SLC2A13: variants seen among roughly 807,000 people sequenced by gnomAD.
SLC2A13 encodes proton myo-inositol cotransporter.
SLC2A13 carries 32 observed loss-of-function variants against 64.4 expected under a neutral mutation model. The ratio of observed to expected loss-of-function variants is 0.50; its 90% confidence interval spans 0.37 to 0.67. The LOEUF (loss-of-function observed/expected upper bound fraction) is 0.67, where lower values mean the gene tolerates loss of function less well. Among genes scored for constraint, SLC2A13 ranks in the 30% least tolerant of loss-of-function variants. SLC2A13 has a pLI of 0.00. For missense variants in SLC2A13, 743 were observed against 829.2 expected (o/e 0.90, Z 1.28); for synonymous variants, 338 against 327.1 (o/e 1.03, Z -0.36).
At chr12:39,954,812 C>T (rs2136105727) in intron 3 of SLC2A13, among the ~76,000 whole-genome samples, 1 of 152,248 alleles carries the variant, frequency 6.6e-6, no homozygotes, top group Non-Finnish European at 1.5e-5. Context: ...GAGAATATAA[C>T]AATCCTAAAC....
chr12:39,854,249 T>A (rs1235665566), intron 6 of SLC2A13, among the ~76,000 whole-genome samples: 1 of 152,152 alleles, frequency 6.6e-6, no homozygotes, highest in Non-Finnish European at 1.5e-5. Flanking sequence ...TGGATAATAA[T>A]AATAATAATA....
At position 40,105,408 on chromosome 12, in the gene SLC2A13, G is replaced by A; in HGVS notation, c.401C>T (p.Ser134Leu). Residue 134 changes from serine to leucine, a missense_variant, in exon 1 of 10, where the codon TCG becomes TTG. Physicochemically the swap from Ser to Leu is moderately radical, Grantham distance 145. Transcript: ENST00000280871. This position sits in a 1 kb window ranked among gnomAD's most constrained non-coding sequence, Gnocchi z 4.2. ...GTTGAGGGCGCCTCCGGCCAGCGCC[G>A]AGACGGCAGCCGCCCCCACCGTGCT... ...VSSTVGAAAV[S>L]ALAGGALNGV... is the part of the protein sequence containing the mutation. 3 of 1,551,682 alleles carry A rather than the reference G, an allele frequency of 1.9e-6. No individual in the cohort carries two copies. The highest frequency in any genetic ancestry group is 1.9e-5 in the Admixed American group (1 of 51,334).
intron 5 of SLC2A13, 79 bp from the exon 6 acceptor site, chr12:39,864,961 C>A (rs1368384284): frequency 7.1e-5 from 92 of 1,291,922 alleles, no homozygotes; most frequent in South Asian, 2.9e-4. Context: ...AAAAACAAAC[C>A]AAAAAACAAA....
rs1304689969 is a variant in SLC2A13, at chr12:40,105,374, G to A, written c.435C>T (p.Phe145=). The part of the protein sequence containing the change: ...ALAGGALNGV[F]GRRAAILLAS... ...CCAGGAGGATGGCAGCGCGGCGGCC[G>A]AAGACGCCGTTGAGGGCGCCTCCGG... Residue 145 remains phenylalanine (F), a synonymous_variant, in exon 1 of 10, where the codon TTC becomes TTT. Coordinates refer to ENST00000280871, the MANE Select transcript of SLC2A13 (RefSeq NM_052885.4). The surrounding 1 kb of genome is among the most constrained non-coding windows in gnomAD (Gnocchi z 4.2). The A allele has an allele frequency of 1.3e-6, 2 of 1,572,508 alleles. No homozygotes were observed. Among genetic ancestry groups the A allele is most frequent in the Non-Finnish European group, 1.7e-6 (2 of 1,159,900 alleles).
At chr12:40,069,622 T>C (rs539669178) in intron 1 of SLC2A13, among the ~76,000 whole-genome samples, 3 of 152,146 alleles carry the variant, frequency 2.0e-5, no homozygotes, top group Admixed American at 6.5e-5. Flanking sequence ...ATATATGAAT[T>C]AATTAGGACC....
chr12:40,083,695 T>C (rs898745311), intron 1 of SLC2A13, among the ~76,000 whole-genome samples: 1 of 152,234 alleles, frequency 6.6e-6, no homozygotes, highest in African/African-American at 2.4e-5. Context: ...GGGTTTCTGT[T>C]GGGCTTTTCT....
intron 3 of SLC2A13, among the ~76,000 whole-genome samples, chr12:40,010,103 C>T (rs1947502888): frequency 6.6e-6 from 1 of 152,200 alleles, no homozygotes; most frequent in African/African-American, 2.4e-5. Flanking sequence ...GAAAAGGAAG[C>T]ACAGTTCTTA....
At chr12:39,968,579 T>A (rs1362075472) in intron 3 of SLC2A13, among the ~76,000 whole-genome samples, 1 of 151,826 alleles carries the variant, frequency 6.6e-6, no homozygotes, top group Non-Finnish European at 1.5e-5. Context: ...TCCTCTGGGA[T>A]CTTGTACACT....
At chr12:40,095,416 C>T (rs1938906057) in intron 1 of SLC2A13, among the ~76,000 whole-genome samples, 1 of 152,284 alleles carries the variant, frequency 6.6e-6, no homozygotes, top group Non-Finnish European at 1.5e-5. Context: ...AACTCTATGT[C>T]CAGCTGTAAT....
At chr12:39,786,777 G>T (rs1427907288) in intron 7 of SLC2A13, among the ~76,000 whole-genome samples, 1 of 152,132 alleles carries the variant, frequency 6.6e-6, no homozygotes, top group African/African-American at 2.4e-5. Flanking sequence ...GGGTTAAGTG[G>T]TCTATATTTA....
Position 39,990,150 on chromosome 12 carries a change from A to C in SLC2A13, c.925+38151T>G, listed in dbSNP as rs11564283. Among the ~76,000 whole-genome samples the C allele has an allele frequency of 2.4e-3, 367 of 152,330 alleles. 4 individuals are homozygous for C. The highest frequency in any genetic ancestry group is 0.019 in the Admixed American group (291 of 15,302). On this transcript the variant is annotated intron_variant, in intron 3 of 9. Transcript: ENST00000280871. ...GGCCATGTATTCTGGAGTCATAACG[A>C]TCAAATATTAGTTCCTTTTATTATA...
At chr12:40,027,280 G>A (rs548629027) in intron 3 of SLC2A13, among the ~76,000 whole-genome samples, 75 of 152,260 alleles carry the variant, frequency 4.9e-4, no homozygotes, top group African/African-American at 1.8e-3. Flanking sequence ...TAGAAATGCT[G>A]ACATTGCTGG....
chr12:39,856,408 C>T (rs780011222), intron 6 of SLC2A13, among the ~76,000 whole-genome samples: 7 of 152,100 alleles, frequency 4.6e-5, no homozygotes, highest in Non-Finnish European at 1.0e-4. Context: ...CTCACTCTGT[C>T]GCCAGGCTGG....
At chr12:39,864,380 T>C (rs1943846908) in intron 6 of SLC2A13, among the ~76,000 whole-genome samples, 1 of 152,236 alleles carries the variant, frequency 6.6e-6, no homozygotes, top group Non-Finnish European at 1.5e-5. Flanking sequence ...GGCATGTGCA[T>C]CTTGTAAAAG....
intron 9 of SLC2A13, 98 bp downstream of exon 9, chr12:39,764,362 T>C: frequency 8.8e-7 from 1 of 1,138,514 alleles, no homozygotes; most frequent in Non-Finnish European, 1.2e-6. Context: ...AACAGCAAAA[T>C]ATAACCACAT....
intron 3 of SLC2A13, among the ~76,000 whole-genome samples, chr12:40,020,752 G>A (rs910014570): frequency 1.3e-5 from 2 of 152,036 alleles, no homozygotes; most frequent in East Asian, 1.9e-4. Flanking sequence ...CCTTTAAAGG[G>A]CATAGCAATT....
chr12:40,067,886 T>G (rs1937796442), intron 1 of SLC2A13, among the ~76,000 whole-genome samples: 1 of 152,184 alleles, frequency 6.6e-6, no homozygotes, highest in Non-Finnish European at 1.5e-5. Flanking sequence ...GACAGATTGC[T>G]TCCGGTGAAA....
chr12:39,903,528 C>T (rs1273144038), intron 4 of SLC2A13, among the ~76,000 whole-genome samples: 2 of 152,002 alleles, frequency 1.3e-5, no homozygotes, highest in Admixed American at 1.3e-4. Context: ...AAGCTCATGA[C>T]AAGATTCTGG....
At chr12:39,880,562 T>C (rs1041981504) in intron 4 of SLC2A13, among the ~76,000 whole-genome samples, 6 of 152,300 alleles carry the variant, frequency 3.9e-5, no homozygotes, top group Non-Finnish European at 5.9e-5. Context: ...ACAAAAATCA[T>C]AGAAACCTGC....
Sources: gnomAD v4.1 joint callset for allele counts (sites outside exome capture counted in the v4.1 genomes callset) on GRCh38, gnomAD v4.1.1 for gene constraint, Gnocchi (gnomAD v3.1) non-coding constraint, MANE v1.5 for transcripts, NCBI Gene and HGNC (gene_info 2026-07-23, HGNC 2026-07-21) for gene names.